Variants in LINGO2 observed in about 807,000 individuals in gnomAD.
LINGO2 encodes leucine-rich repeat and immunoglobulin-like domain-containing nogo receptor-interacting protein 2.
LINGO2 carries 14 observed loss-of-function variants against 30.6 expected under a neutral mutation model. That is an observed-to-expected ratio of 0.46 (90% CI 0.30 to 0.72). The LOEUF is 0.72. Among genes scored for constraint, LINGO2 ranks in the 30% least tolerant of loss-of-function variants. The probability of loss-of-function intolerance (pLI) is 0.07; values close to 1 mark genes in which losing one functional copy is unlikely to be tolerated. For missense variants in LINGO2, 729 were observed against 751.7 expected (o/e 0.97, Z 0.35); for synonymous variants, 317 against 288.5 (o/e 1.10, Z -1.00).
the LINGO2 span, among the ~76,000 whole-genome samples, chr9:28,681,866 T>C: frequency 6.6e-6 from 1 of 152,162 alleles, no homozygotes; most frequent in African/African-American, 2.4e-5. Flanking sequence ...ATAGGCTCTC[T>C]TAAGTGAAAG....
chr9:28,427,076 G>A (rs573256154), intron 2 of LINGO2, among the ~76,000 whole-genome samples: 2 of 151,974 alleles, frequency 1.3e-5, no homozygotes, highest in Non-Finnish European at 1.5e-5. Flanking sequence ...AGCTGCTTTG[G>A]ATATCAAATA....
At chr9:28,682,150 A>G in the LINGO2 span, among the ~76,000 whole-genome samples, 1 of 152,142 alleles carries the variant, frequency 6.6e-6, no homozygotes, top group African/African-American at 2.4e-5. Flanking sequence ...TTGATCCTAT[A>G]TGCTGCCCTT....
At chr9:28,485,204 A>G (rs1056858081) in intron 1 of LINGO2, among the ~76,000 whole-genome samples, 15 of 152,142 alleles carry the variant, frequency 9.9e-5, no homozygotes, top group African/African-American at 2.9e-4. Flanking sequence ...TTTATCTTCA[A>G]TAAAAAGCTG....
At chr9:28,199,343 T>TTTCTTCCTCCTCCTCCTCCTC (rs1564036486) in intron 4 of LINGO2, among the ~76,000 whole-genome samples, 7 of 128,780 alleles carry the variant, frequency 5.4e-5, no homozygotes, top group African/African-American at 1.9e-4. Context: ...TTCTTCTTCT[T>TTTCTTCCTCCTCCTCCTCCTC]CTTTTTTTTT....
chr9:28,567,414 G>T (rs537502001), intron 1 of LINGO2, among the ~76,000 whole-genome samples: 16 of 152,186 alleles, frequency 1.1e-4, no homozygotes, highest in African/African-American at 3.9e-4. Flanking sequence ...TCAACAGTGG[G>T]CTGGATTAAA....
chr9:28,854,325 G>A, the LINGO2 span, among the ~76,000 whole-genome samples: 1 of 151,930 alleles, frequency 6.6e-6, no homozygotes, highest in African/African-American at 2.4e-5. Flanking sequence ...ATTAAACAAT[G>A]GGTTATGATA....
At chr9:28,058,855 TCTAAA>T (rs1825047852) in intron 4 of LINGO2, among the ~76,000 whole-genome samples, 2 of 152,160 alleles carry the variant, frequency 1.3e-5, no homozygotes, top group South Asian at 2.1e-4. Flanking sequence ...TCCAACTTAA[TCTAAA>T]CTACTGTTAA....
At chr9:28,548,952 A>T (rs2135492631) in intron 1 of LINGO2, among the ~76,000 whole-genome samples, 1 of 152,150 alleles carries the variant, frequency 6.6e-6, no homozygotes, top group East Asian at 1.9e-4. Flanking sequence ...AGTTCAGAAT[A>T]TAATAAAACA....
At chr9:28,341,288 A>G (rs1825757693) in intron 3 of LINGO2, among the ~76,000 whole-genome samples, 1 of 152,162 alleles carries the variant, frequency 6.6e-6, no homozygotes, top group Non-Finnish European at 1.5e-5. Flanking sequence ...TTGGCAATCT[A>G]ATAAAACACA....
chr9:29,105,403 C>A, the LINGO2 span, among the ~76,000 whole-genome samples: 4 of 152,146 alleles, frequency 2.6e-5, no homozygotes, highest in African/African-American at 9.7e-5. Context: ...ATGAATTTTT[C>A]TACGTAACCT....
chr9:28,101,392 C>G (rs757510830), intron 4 of LINGO2, among the ~76,000 whole-genome samples: 3 of 152,086 alleles, frequency 2.0e-5, no homozygotes, highest in Non-Finnish European at 2.9e-5. Flanking sequence ...TAAGACAGCA[C>G]TTCAAAATAA....
At chr9:28,963,249 T>C in the LINGO2 span, among the ~76,000 whole-genome samples, 1 of 151,966 alleles carries the variant, frequency 6.6e-6, no homozygotes, top group African/African-American at 2.4e-5. Flanking sequence ...CTATAAGTAT[T>C]TAGCATTGAG....
intron 2 of LINGO2, among the ~76,000 whole-genome samples, chr9:28,400,437 G>A (rs142454844): frequency 2.1e-3 from 318 of 152,188 alleles, no homozygotes; most frequent in Middle Eastern, 6.8e-3. Flanking sequence ...TTTACATCAC[G>A]GAAACCAGCA....
intron 4 of LINGO2, among the ~76,000 whole-genome samples, chr9:28,272,237 G>A (rs1822966328): frequency 1.3e-5 from 2 of 152,070 alleles, no homozygotes; most frequent in Admixed American, 6.6e-5. Flanking sequence ...CCTGACAACA[G>A]GGAGAACAGA....
At chr9:28,291,694 C>G (rs892632720) in intron 4 of LINGO2, among the ~76,000 whole-genome samples, 3 of 152,102 alleles carry the variant, frequency 2.0e-5, no homozygotes, top group African/African-American at 7.2e-5. Flanking sequence ...TTTTAATGAA[C>G]AGAGGCTCGA....
At chr9:28,719,582 C>T in the LINGO2 span, among the ~76,000 whole-genome samples, 2 of 151,918 alleles carry the variant, frequency 1.3e-5, no homozygotes, top group African/African-American at 4.8e-5. Flanking sequence ...CTCATTTGAC[C>T]CTATCTTACT....
At chr9:28,519,718 AG>A (rs1385808961) in intron 1 of LINGO2, among the ~76,000 whole-genome samples, 1 of 152,192 alleles carries the variant, frequency 6.6e-6, no homozygotes, top group Admixed American at 6.5e-5. Flanking sequence ...CCTTTCTGCA[AG>A]GCAAGACTGC....
At chr9:28,886,208 G>T in the LINGO2 span, among the ~76,000 whole-genome samples, 1 of 152,076 alleles carries the variant, frequency 6.6e-6, no homozygotes, top group Non-Finnish European at 1.5e-5. Flanking sequence ...ACAGTGAGAA[G>T]GGGAAGAAAA....
At chr9:28,518,059 G>A (rs1820694318) in intron 1 of LINGO2, among the ~76,000 whole-genome samples, 1 of 152,058 alleles carries the variant, frequency 6.6e-6, no homozygotes, top group Middle Eastern at 3.2e-3. Context: ...ATAACAGATA[G>A]GGTCCCAAAA....
Sources: allele counts gnomAD v4.1 joint callset (sites outside exome capture counted in the v4.1 genomes callset), GRCh38; gene constraint gnomAD v4.1.1; transcripts MANE v1.5; gene names NCBI Gene and HGNC (gene_info 2026-07-23, HGNC 2026-07-21).